Variants in IQSEC3 observed in about 807,000 individuals in gnomAD.
IQSEC3 encodes the protein IQ motif and SEC7 domain-containing protein 3.
In IQSEC3, 50 loss-of-function variants were observed where a neutral mutation model predicts 105.4. The observed-to-expected ratio is 0.47, with a 90% CI of 0.38 to 0.60. IQSEC3 has a LOEUF of 0.60. IQSEC3 is among the 20% of genes least tolerant of loss of function. The pLI is 0.00. For missense variants in IQSEC3, 1,415 were observed against 1,630.0 expected (o/e 0.87, Z 2.27); for synonymous variants, 708 against 746.0 (o/e 0.95, Z 0.83).
At chr12:125,509 C>A in intron 2 of IQSEC3, 124 bp from the exon 3 acceptor site, 3 of 981,652 alleles carry the variant, frequency 3.1e-6, no homozygotes, top group Non-Finnish European at 4.2e-6. Context: ...GTGAAAGACA[C>A]CCCCTCCAGT....
Position 81,039 on chromosome 12 carries a change from G to A in IQSEC3, c.554+13603G>A, listed in dbSNP as rs539404057. 3.9e-5 allele frequency among the ~76,000 whole-genome samples: 6 copies of A among 152,344 alleles called. No homozygotes were observed. In the South Asian group the frequency reaches 1.0e-3, roughly 26 times the overall value. ...AGGGTGCAGGCGCGTAGCAGATCTT[G>A]TAAGAGATTCTCAACTGGGATTTCC... On this transcript the variant is annotated intron_variant, in intron 1 of 13. Coordinates refer to ENST00000538872, the MANE Select transcript of IQSEC3 (RefSeq NM_001170738.2).
chr12:157,483 G>C, intron 6 of IQSEC3, 45 bp from the exon 7 acceptor site: 1 of 1,572,592 alleles, frequency 6.4e-7, no homozygotes, highest in Non-Finnish European at 8.6e-7. Flanking sequence ...CCGGGGGAGG[G>C]TGGGCGGGGG....
intron 5 of IQSEC3, among the ~76,000 whole-genome samples, chr12:155,284 T>C (rs1273244179): frequency 6.6e-6 from 1 of 152,232 alleles, no homozygotes; most frequent in Non-Finnish European, 1.5e-5. Context: ...CCGATTCTCA[T>C]GCTTGGGCAA....
intron 5 of IQSEC3, among the ~76,000 whole-genome samples, chr12:145,390 C>G (rs138634942): frequency 6.6e-6 from 1 of 152,206 alleles, no homozygotes; most frequent in African/African-American, 2.4e-5. Flanking sequence ...CCTCCTACCT[C>G]GGCCTCCTGA....
rs1864962205 is a variant in IQSEC3, at chr12:113,612, A to G, written c.624-12021A>G. On this transcript the variant is annotated intron_variant, in intron 2 of 13. Transcript: ENST00000538872. ...TTGGAGAATCAATTAGGCTGCCATG[A>G]GTCCTCAGATTCCTCAGGAATCGAG... 2.6e-5 allele frequency among the ~76,000 whole-genome samples: 4 copies of G among 152,234 alleles called. No homozygotes were observed. In the South Asian group the frequency reaches 8.3e-4, roughly 32 times the overall value.
intron 9 of IQSEC3, among the ~76,000 whole-genome samples, chr12:164,199 C>G (rs955256283): frequency 6.6e-6 from 1 of 152,182 alleles, no homozygotes; most frequent in African/African-American, 2.4e-5. Flanking sequence ...GTGTCTCCCT[C>G]GCACCGGCCC....
intron 2 of IQSEC3, among the ~76,000 whole-genome samples, chr12:116,835 G>A (rs1865064804): frequency 6.6e-6 from 1 of 152,206 alleles, no homozygotes; most frequent in Non-Finnish European, 1.5e-5. Context: ...AGACAAGGGG[G>A]GCGTTTGCCC....
chr12:105,114 C>T (rs1262647092), intron 2 of IQSEC3, among the ~76,000 whole-genome samples: 1 of 152,262 alleles, frequency 6.6e-6, no homozygotes, highest in Non-Finnish European at 1.5e-5. Context: ...CCACAGGCCC[C>T]ATGGGGCAGG....
intron 1 of IQSEC3, among the ~76,000 whole-genome samples, chr12:97,338 AT>A (rs1299118726): frequency 1.3e-5 from 2 of 151,370 alleles, no homozygotes; most frequent in African/African-American, 4.9e-5. Context: ...TTTCATACAG[AT>A]TTTTTTCTTC....
chr12:137,268 C>G (rs1473331541), intron 3 of IQSEC3: 1 of 150,848 alleles, frequency 6.6e-6, no homozygotes, highest in African/African-American at 2.5e-5. Context: ...AAAGGAGCCA[C>G]CCCAACACAG....
At chr12:81,131 G>C (rs1388546831) in intron 1 of IQSEC3, among the ~76,000 whole-genome samples, 2 of 152,178 alleles carry the variant, frequency 1.3e-5, no homozygotes, top group African/African-American at 4.8e-5. Context: ...GATGGGGCTT[G>C]GATGAGGAAG....
chr12:126,369 A>T (rs2061013238), intron 3 of IQSEC3, among the ~76,000 whole-genome samples: 2 of 152,236 alleles, frequency 1.3e-5, no homozygotes, highest in Admixed American at 1.3e-4. Context: ...GATTCCCAAG[A>T]TCAGTCCAGA....
At chr12:112,498 GC>G (rs1864923920) in intron 2 of IQSEC3, among the ~76,000 whole-genome samples, 1 of 152,180 alleles carries the variant, frequency 6.6e-6, no homozygotes. Context: ...TGACCTAGAA[GC>G]TTGGGATTTG....
rs1865602447 is a variant in IQSEC3, at chr12:131,579, A to G, written c.903+5667A>G. On this transcript the variant is annotated intron_variant, in intron 3 of 13. Coordinates refer to ENST00000538872, the MANE Select transcript of IQSEC3 (RefSeq NM_001170738.2). ...GGAATTTGATTTCCCTGGGGTCACA[A>G]GAGAGAATTCAGTTTAGTTCATGTC... is the stretch of plus-strand genomic sequence containing the variant. Among the ~76,000 whole-genome samples, 4 of 152,234 alleles carry G rather than the reference A, an allele frequency of 2.6e-5. No individual in the cohort carries two copies. In the South Asian group the frequency reaches 8.3e-4, roughly 32 times the overall value.
In IQSEC3 at chr12:156,968, G is replaced by A. The variant is rs963757604; in HGVS notation, c.2154-57G>A. On this transcript the variant is annotated intron_variant, in intron 5 of 13. Coordinates refer to ENST00000538872, the MANE Select transcript of IQSEC3 (RefSeq NM_001170738.2). ...TGGGAACAGAGGCCAGCGAGAATGGGTGTTGGAGGGTGCTTAGGGTGCCAC... is the reference window on the plus strand; with the variant it reads ...TGGGAACAGAGGCCAGCGAGAATGGATGTTGGAGGGTGCTTAGGGTGCCAC... 8.3e-5 allele frequency: 123 copies of A among 1,487,522 alleles called. No homozygotes were observed. In the African/African-American group the frequency reaches 1.4e-3, roughly 17 times the overall value. 92.1% of individuals were successfully genotyped at this position (1,487,522 alleles called of 1,614,324 possible).
intron 5 of IQSEC3, among the ~76,000 whole-genome samples, chr12:150,359 T>C (rs1866457434): frequency 6.6e-6 from 1 of 152,156 alleles, no homozygotes; most frequent in South Asian, 2.1e-4. Flanking sequence ...AAACTAGACA[T>C]TGTCAAATAT....
intron 3 of IQSEC3, among the ~76,000 whole-genome samples, chr12:126,912 G>A (rs1865433898): frequency 2.6e-5 from 4 of 152,218 alleles, no homozygotes; most frequent in African/African-American, 4.8e-5. Context: ...TTGATGCCAA[G>A]CTCATATCCT....
Position 67,320 on chromosome 12 carries a change from G to C in IQSEC3, c.438G>C (p.Gly146=), listed in dbSNP as rs782137825. ...QSPHKHLGTQ[G]AVTDKEKERP... ...CCCACAAGCATCTGGGGACACAAGG[G>C]GCCGTGACTGACAAGGAGAAGGAGC... The change falls in exon 1 of 14, where the codon GGG becomes GGC. Residue 146 remains glycine, a synonymous_variant. Transcript: ENST00000538872. The C allele has an allele frequency of 6.3e-7, 1 of 1,598,430 alleles. No individual in the cohort carries two copies. Among genetic ancestry groups the C allele is most frequent in the Admixed American group, 1.7e-5 (1 of 59,972 alleles).
At chr12:89,320 G>T (rs1864012138) in intron 1 of IQSEC3, among the ~76,000 whole-genome samples, 1 of 152,160 alleles carries the variant, frequency 6.6e-6, no homozygotes. Context: ...TTGGAAGGGG[G>T]TTAATCATTA....
Sources: gnomAD v4.1 joint callset for allele counts (sites outside exome capture counted in the v4.1 genomes callset) on GRCh38, gnomAD v4.1.1 for gene constraint, MANE v1.5 for transcripts, NCBI Gene and HGNC (gene_info 2026-07-23, HGNC 2026-07-21) for gene names.